The following BAZ2B variants were observed in gnomAD, a reference collection of about 807,000 sequenced individuals.
BAZ2B encodes the protein bromodomain adjacent to zinc finger domain 2B.
BAZ2B carries 91 observed loss-of-function variants against 246.0 expected under a neutral mutation model. The ratio of observed to expected loss-of-function variants is 0.37; its 90% CI spans 0.31 to 0.44. The LOEUF (loss-of-function observed/expected upper bound fraction) is 0.44, where lower values mean the gene tolerates loss of function less well. BAZ2B is among the 20% of genes least tolerant of loss of function. The probability of loss-of-function intolerance (pLI) is 1.00; values close to 1 mark genes in which losing one functional copy is unlikely to be tolerated. For missense variants in BAZ2B, 2,332 were observed against 2,533.7 expected, an observed-to-expected ratio of 0.92 and a Z score of 1.71; for synonymous variants, 855 against 860.0, an observed-to-expected ratio of 0.99 and a Z score of 0.10.
At chr2:159,515,649 A>G (rs955835573) in intron 2 of BAZ2B, among the ~76,000 whole-genome samples, 3 of 152,108 alleles carry the variant, frequency 2.0e-5, no homozygotes, top group African/African-American at 7.2e-5. Context: ...CACAGACAGT[A>G]GACAAGACAA....
At chr2:159,470,884 G>GTA (rs2077701230) in intron 3 of BAZ2B, among the ~76,000 whole-genome samples, 1 of 152,108 alleles carries the variant, frequency 6.6e-6, no homozygotes, top group African/African-American at 2.4e-5. Context: ...TATGTAAAAT[G>GTA]TATATGTTCA....
intron 19 of BAZ2B, chr2:159,396,545 T>C (rs1469450800): frequency 6.6e-6 from 1 of 152,238 alleles, no homozygotes; most frequent in Non-Finnish European, 1.5e-5. Context: ...AGGTAAGCAC[T>C]AGTTTAATTT....
chr2:159,559,073 C>T (rs1389444283), intron 1 of BAZ2B, among the ~76,000 whole-genome samples: 2 of 152,048 alleles, frequency 1.3e-5, no homozygotes, highest in African/African-American at 4.8e-5. Flanking sequence ...AACCCTATCT[C>T]TACAAAAAAT....
chr2:159,372,973 T>C (rs947666699), intron 27 of BAZ2B, 72 bp downstream of exon 27: 188 of 1,459,474 alleles, frequency 1.3e-4, no homozygotes, highest in South Asian at 4.4e-4. Flanking sequence ...ACAAAATATA[T>C]TGAAGAAGTA....
At chr2:159,638,411 G>A in the BAZ2B span, among the ~76,000 whole-genome samples, 2 of 152,138 alleles carry the variant, frequency 1.3e-5, no homozygotes, top group Admixed American at 6.5e-5. Flanking sequence ...TAAGACACCA[G>A]GGAACAATCC....
At chr2:159,704,208 T>C in the BAZ2B span, among the ~76,000 whole-genome samples, 1 of 152,218 alleles carries the variant, frequency 6.6e-6, no homozygotes, top group East Asian at 1.9e-4. Context: ...GTCATATGTA[T>C]ATAGCTTTTA....
chr2:159,523,063 T>C (rs1382482609), intron 2 of BAZ2B, among the ~76,000 whole-genome samples: 1 of 152,046 alleles, frequency 6.6e-6, no homozygotes, highest in Non-Finnish European at 1.5e-5. Flanking sequence ...GGCCAGGAGT[T>C]CAACACTAGC....
intron 34 of BAZ2B, among the ~76,000 whole-genome samples, chr2:159,330,818 C>A (rs1575663671): frequency 6.6e-6 from 1 of 151,996 alleles, no homozygotes; most frequent in Admixed American, 6.6e-5. Flanking sequence ...GTGATAGTGT[C>A]ACTGCATTCC....
At position 159,613,282 on chromosome 2, in the gene BAZ2B, TG is replaced by T. The variant is rs575257578; in HGVS notation, c.-46+2959del. Among the ~76,000 whole-genome samples the T allele has an allele frequency of 1.4e-3, 207 of 152,220 alleles. 1 individual carries two copies. The highest frequency in any genetic ancestry group is 0.01 in the Middle Eastern group (3 of 294). ...TTAGAAGTATTTTTTCATTAGTGTTTGTAAGAGTAAATGGTACTACAATTCG... is the reference window on the plus strand; with the variant it reads ...TTAGAAGTATTTTTTCATTAGTGTTTTAAGAGTAAATGGTACTACAATTCG... On this transcript the variant is annotated intron_variant, in intron 1 of 36. Transcript: ENST00000392783.
chr2:159,388,130 A>G (rs1022121195), intron 21 of BAZ2B, among the ~76,000 whole-genome samples: 10 of 151,782 alleles, frequency 6.6e-5, no homozygotes, highest in Non-Finnish European at 1.2e-4. Context: ...GTATAATAAT[A>G]ATAAAATAAA....
intron 1 of BAZ2B, among the ~76,000 whole-genome samples, chr2:159,593,970 T>A (rs866815130): frequency 2.6e-5 from 4 of 152,234 alleles, no homozygotes; most frequent in Admixed American, 2.6e-4. Context: ...TTTTTAAGTG[T>A]ACAATTAGCT....
Position 159,385,353 on chromosome 2 carries a change from C to T in BAZ2B, c.3488G>A (p.Gly1163Glu). The T allele has an allele frequency of 1.2e-6, 2 of 1,612,480 alleles. No homozygotes were observed. Among genetic ancestry groups the T allele is most frequent in the Non-Finnish European group, 1.7e-6 (2 of 1,179,468 alleles). Residue 1163 changes from glycine (G) to glutamate (E), a missense_variant, in exon 23 of 37, where the codon GGA (glycine) becomes GAA (glutamate). By Grantham distance (98) the Gly-to-Glu change is moderately conservative. Coordinates refer to ENST00000392783, the MANE Select transcript of BAZ2B (RefSeq NM_013450.4). ...ITGYKAKTAL[G>E]EHLLNVGVNR... ...CACACCAACATTCAGCAAATGTTCT[C>T]CAAGAGCTGTTTTAGCCTATAAAAG...
the BAZ2B span, chr2:159,710,932 T>C: frequency 3.9e-5 from 6 of 152,350 alleles, no homozygotes; most frequent in East Asian, 1.2e-3. Context: ...ACAATATTAT[T>C]GGTGGTTTAG....
intron 4 of BAZ2B, among the ~76,000 whole-genome samples, chr2:159,450,752 T>G (rs1457920100): frequency 3.3e-5 from 5 of 152,006 alleles, no homozygotes; most frequent in Admixed American, 2.6e-4. Flanking sequence ...TTTTTTTTTT[T>G]TTTTTGAGAC....
At chr2:159,681,487 A>C in the BAZ2B span, among the ~76,000 whole-genome samples, 4 of 152,128 alleles carry the variant, frequency 2.6e-5, no homozygotes, top group Non-Finnish European at 5.9e-5. Context: ...CATCTTAGAC[A>C]AGAAAAATAT....
At chr2:159,653,398 C>T in the BAZ2B span, among the ~76,000 whole-genome samples, 1 of 152,140 alleles carries the variant, frequency 6.6e-6, no homozygotes, top group African/African-American at 2.4e-5. Context: ...GGAATTTGTT[C>T]AAATGTATAC....
At chr2:159,692,699 T>A in the BAZ2B span, among the ~76,000 whole-genome samples, 3 of 151,922 alleles carry the variant, frequency 2.0e-5, no homozygotes, top group African/African-American at 4.8e-5. Context: ...AATAAAAAAT[T>A]AAAAAATAAA....
the BAZ2B span, among the ~76,000 whole-genome samples, chr2:159,704,493 T>TC: frequency 6.7e-6 from 1 of 148,908 alleles, no homozygotes; most frequent in African/African-American, 2.5e-5. Context: ...TTTTTTTTTT[T>TC]TTTTTTGAGA....
At chr2:159,483,398 C>T (rs2079457195) in intron 2 of BAZ2B, among the ~76,000 whole-genome samples, 3 of 152,068 alleles carry the variant, frequency 2.0e-5, no homozygotes, top group African/African-American at 7.2e-5. Flanking sequence ...CAGGTTTTTG[C>T]CATGTTGCCC....
Sources: allele counts gnomAD v4.1 joint callset (sites outside exome capture counted in the v4.1 genomes callset), GRCh38; gene constraint gnomAD v4.1.1; transcripts MANE v1.5; gene names NCBI Gene and HGNC (gene_info 2026-07-23, HGNC 2026-07-21).